The following NOL4L variants were observed in gnomAD, a reference collection of about 807,000 sequenced individuals.
NOL4L encodes the protein nucleolar protein 4-like.
NOL4L carries 7 observed loss-of-function variants against 64.5 expected under a neutral mutation model. That is an observed-to-expected ratio of 0.11 (90% CI 0.06 to 0.20). The LOEUF (loss-of-function observed/expected upper bound fraction) is 0.20. NOL4L is among the 10% of genes least tolerant of loss of function. NOL4L has a pLI of 1.00. For missense variants in NOL4L, 680 were observed against 967.1 expected (o/e 0.70, Z 3.94); for synonymous variants, 413 against 401.0 (o/e 1.03, Z -0.36).
At chr20:32,534,642 C>T (rs1247236465) in intron 1 of NOL4L, among the ~76,000 whole-genome samples, 1 of 151,948 alleles carries the variant, frequency 6.6e-6, no homozygotes, top group African/African-American at 2.4e-5. Flanking sequence ...CGCTTGAGCT[C>T]AGGAGTTCAA....
At chr20:32,531,076 A>C (rs1404197794) in intron 1 of NOL4L, among the ~76,000 whole-genome samples, 2 of 152,264 alleles carry the variant, frequency 1.3e-5, no homozygotes, top group South Asian at 2.1e-4. Context: ...TGCAGAATGT[A>C]CCATCTTTAC....
At chr20:32,506,626 A>T (rs2017152062) in intron 4 of NOL4L, among the ~76,000 whole-genome samples, 1 of 152,074 alleles carries the variant, frequency 6.6e-6, no homozygotes, top group Non-Finnish European at 1.5e-5. Context: ...GCGCCATTGC[A>T]CTCCAGCCTG....
chr20:32,498,313 T>C (rs1164832861), intron 4 of NOL4L, among the ~76,000 whole-genome samples: 1 of 152,086 alleles, frequency 6.6e-6, no homozygotes, highest in African/African-American at 2.4e-5. Context: ...GTAGTAAGTT[T>C]CTAGAAAGCA....
At chr20:32,478,660 TG>T (rs2015547766) in intron 4 of NOL4L, among the ~76,000 whole-genome samples, 1 of 152,176 alleles carries the variant, frequency 6.6e-6, no homozygotes, top group African/African-American at 2.4e-5. Context: ...TGGAGTACAG[TG>T]GTGCAATAGT....
intron 4 of NOL4L, chr20:32,483,625 C>G (rs1600725732): frequency 1.2e-3 from 2 of 1,692 alleles, no homozygotes; most frequent in Non-Finnish European, 1.5e-3. Flanking sequence ...CACGGGGAGG[C>G]GGGAGAGGGG....
intron 1 of NOL4L, among the ~76,000 whole-genome samples, chr20:32,568,627 T>A (rs1471443346): frequency 1.3e-5 from 2 of 152,192 alleles, no homozygotes; most frequent in Non-Finnish European, 2.9e-5. Flanking sequence ...TCCAGCCATA[T>A]CTCCCCAGCC....
At chr20:32,576,315 C>T (rs1220183094) in intron 1 of NOL4L, among the ~76,000 whole-genome samples, 1 of 152,050 alleles carries the variant, frequency 6.6e-6, no homozygotes, top group Non-Finnish European at 1.5e-5. Context: ...GCAGTGGAGG[C>T]CATGAGACAT....
Position 32,447,434 on chromosome 20 carries a change from C to T in NOL4L, c.*162G>A. ...AAAAAAAAAAAAAAAAAAAAAGTGT[C>T]CTTGTGCCCAAAGTCTCAGGTGCTT... On this transcript the variant is annotated 3_prime_UTR_variant, in exon 11 of 11. Transcript: ENST00000621426. 7.5e-6 allele frequency: 3 copies of T among 398,484 alleles called. No homozygotes were observed. Among genetic ancestry groups the T allele is most frequent in the South Asian group, 2.8e-5 (1 of 35,280 alleles). The allele number at this position is 398,484 out of a possible 1,614,324, so 24.7% of individuals were successfully genotyped here. A position where few individuals can be genotyped will look rare whatever the true frequency, so the allele number is the denominator to read the frequency against.
chr20:32,534,791 GGATCAC>G (rs2018460294), intron 1 of NOL4L, among the ~76,000 whole-genome samples: 1 of 151,686 alleles, frequency 6.6e-6, no homozygotes, highest in South Asian at 2.1e-4. Flanking sequence ...TGAGGTGGGA[GGATCAC>G]TTGAGCCTGG....
At chr20:32,543,816 C>G (rs1323474467) in intron 1 of NOL4L, among the ~76,000 whole-genome samples, 1 of 151,788 alleles carries the variant, frequency 6.6e-6, no homozygotes, top group Admixed American at 6.6e-5. Context: ...AAAAAGATAC[C>G]AGGGTCAGGC....
intron 5 of NOL4L, among the ~76,000 whole-genome samples, chr20:32,472,689 G>C (rs955069931): frequency 6.6e-6 from 1 of 152,152 alleles, no homozygotes; most frequent in African/African-American, 2.4e-5. Context: ...AGGCAGCAGA[G>C]GCCAGGCCAG....
At chr20:32,509,705 T>G in intron 4 of NOL4L, 1 of 1,214,028 alleles carries the variant, frequency 8.2e-7, no homozygotes, top group East Asian at 5.8e-5. Flanking sequence ...AAGATACAGT[T>G]AGGATTTTTA....
In NOL4L at chr20:32,444,358, A is replaced by G. The variant is rs1373686846; in HGVS notation, c.*3238T>C. On this transcript the variant is annotated 3_prime_UTR_variant, in exon 11 of 11. Transcript: ENST00000621426. ...TGTAAAAAGTTTTACAAAAAATTACAAATTAAAAGTATCAACCCTCTGAGT... is the reference window on the plus strand; with the variant it reads ...TGTAAAAAGTTTTACAAAAAATTACGAATTAAAAGTATCAACCCTCTGAGT... The G allele has an allele frequency of 1.3e-5, 2 of 152,242 alleles. No homozygotes were observed. Among genetic ancestry groups the G allele is most frequent in the Non-Finnish European group, 2.9e-5 (2 of 68,042 alleles). 9.4% of individuals were successfully genotyped at this position (152,242 alleles called of 1,614,324 possible). A position where few individuals can be genotyped will look rare whatever the true frequency, so the allele number is the denominator to read the frequency against.
At chr20:32,502,580 C>G (rs1393052253) in intron 4 of NOL4L, among the ~76,000 whole-genome samples, 1 of 148,248 alleles carries the variant, frequency 6.7e-6, no homozygotes, top group African/African-American at 2.5e-5. Context: ...CGGTGAGACT[C>G]CATCTCAAAA....
rs139125502 is a variant in NOL4L, at chr20:32,519,060, C to T, written c.589+1751G>A. On this transcript the variant is annotated intron_variant, in intron 3 of 10. Transcript: ENST00000621426. ...CATTTCACAGATGAGGGAACTGAGG[C>T]TCAGAAAGATGAAGTCCCTTGCCCA... Among the ~76,000 whole-genome samples the T allele has an allele frequency of 2.4e-3, 358 of 152,338 alleles. 1 individual carries two copies. Among genetic ancestry groups the T allele is most frequent in the African/African-American group, 6.7e-3 (279 of 41,576 alleles).
chr20:32,493,457 C>T (rs539315398), intron 4 of NOL4L, among the ~76,000 whole-genome samples: 1 of 152,190 alleles, frequency 6.6e-6, no homozygotes, highest in East Asian at 1.9e-4. Context: ...CAGCTGCGGA[C>T]ACGCTCTGTT....
intron 4 of NOL4L, among the ~76,000 whole-genome samples, chr20:32,499,970 A>G (rs1454159264): frequency 2.0e-5 from 3 of 152,152 alleles, no homozygotes; most frequent in African/African-American, 7.2e-5. Flanking sequence ...GAAACTTAGT[A>G]AGTTTTAAAG....
At chr20:32,481,973 G>GT (rs1436844008) in intron 4 of NOL4L, among the ~76,000 whole-genome samples, 1 of 150,154 alleles carries the variant, frequency 6.7e-6, no homozygotes, top group East Asian at 2.0e-4. Context: ...GCGGGGGGGG[G>GT]GGAGCAGGCT....
chr20:32,515,846 GAGA>G (rs2017631951), intron 3 of NOL4L, among the ~76,000 whole-genome samples: 1 of 152,226 alleles, frequency 6.6e-6, no homozygotes, highest in South Asian at 2.1e-4. Flanking sequence ...TTGCTGGCAA[GAGA>G]AGCACAACAA....
Sources: allele counts gnomAD v4.1 joint callset (sites outside exome capture counted in the v4.1 genomes callset), GRCh38; gene constraint gnomAD v4.1.1; transcripts MANE v1.5; gene names NCBI Gene and HGNC (gene_info 2026-07-23, HGNC 2026-07-21).